PTPRD: variants seen among roughly 807,000 people sequenced by gnomAD.
PTPRD encodes receptor-type tyrosine-protein phosphatase delta.
In PTPRD, 34 loss-of-function variants were observed where a neutral mutation model predicts 214.5. The ratio of observed to expected loss-of-function variants is 0.16; its 90% CI spans 0.12 to 0.21. The LOEUF is 0.21. PTPRD is among the 10% of genes least tolerant of loss of function. The pLI is 1.00. For missense variants in PTPRD, 2,545 were observed against 2,398.7 expected (o/e 1.06, Z -1.27); for synonymous variants, 1,128 against 845.7 (o/e 1.33, Z -5.79).
intron 12 of PTPRD, among the ~76,000 whole-genome samples, chr9:8,654,010 G>C (rs1462257346): frequency 6.6e-6 from 1 of 151,960 alleles, no homozygotes; most frequent in Non-Finnish European, 1.5e-5. Flanking sequence ...TGACATTTTG[G>C]GTCAGACTAT....
At chr9:9,136,557 A>C (rs2099851194) in intron 10 of PTPRD, among the ~76,000 whole-genome samples, 1 of 152,208 alleles carries the variant, frequency 6.6e-6, no homozygotes, top group South Asian at 2.1e-4. Flanking sequence ...TAGCAAGTGA[A>C]ATGATAATAT....
chr9:9,442,697 CT>C (rs1303715968), intron 8 of PTPRD, among the ~76,000 whole-genome samples: 11 of 152,104 alleles, frequency 7.2e-5, no homozygotes, highest in African/African-American at 2.7e-4. Flanking sequence ...CTTTCTGAAG[CT>C]GTAAATCAAA....
intron 35 of PTPRD, among the ~76,000 whole-genome samples, chr9:8,419,752 C>G (rs1263776730): frequency 6.6e-6 from 1 of 151,596 alleles, no homozygotes. Flanking sequence ...TTAGAGAAAC[C>G]CTAAGAAGTT....
At position 8,821,692 on chromosome 9, in the gene PTPRD, G is replaced by T. The variant is rs183180990; in HGVS notation, c.-103-87746C>A. ...AGTTCCTTCAACTTCAGGAAACAGA[G>T]TCTCGCTCTGTTGCCCAGGCTGGAT... On this transcript the variant is annotated intron_variant, in intron 11 of 45. Coordinates refer to ENST00000381196, the MANE Select transcript of PTPRD (RefSeq NM_002839.4). Among the ~76,000 whole-genome samples, 7 of 152,288 alleles carry T rather than the reference G, an allele frequency of 4.6e-5. No individual in the cohort carries two copies. The East Asian group carries it at 1.4e-3, about 29-fold the overall frequency.
At chr9:9,225,760 G>T (rs1048317278) in intron 9 of PTPRD, among the ~76,000 whole-genome samples, 1 of 152,022 alleles carries the variant, frequency 6.6e-6, no homozygotes, top group Non-Finnish European at 1.5e-5. Context: ...AGAGAATTTT[G>T]CCCAATAGAA....
At chr9:9,948,439 T>C (rs2093061176) in intron 4 of PTPRD, among the ~76,000 whole-genome samples, 1 of 152,022 alleles carries the variant, frequency 6.6e-6, no homozygotes, top group South Asian at 2.1e-4. Flanking sequence ...AAAGAATAAG[T>C]CTTACTGAAT....
chr9:9,869,858 T>C (rs2064978595), intron 5 of PTPRD, among the ~76,000 whole-genome samples: 1 of 151,818 alleles, frequency 6.6e-6, no homozygotes, highest in East Asian at 1.9e-4. Context: ...AAACCAACTG[T>C]AAAAATACAG....
At chr9:9,930,455 A>C (rs558870101) in intron 5 of PTPRD, among the ~76,000 whole-genome samples, 71 of 152,316 alleles carry the variant, frequency 4.7e-4, no homozygotes, top group African/African-American at 1.7e-3. Flanking sequence ...TCACATAAAA[A>C]CAATTTCTTG....
chr9:10,497,358 G>A (rs1190495130), intron 2 of PTPRD, among the ~76,000 whole-genome samples: 2 of 151,786 alleles, frequency 1.3e-5, no homozygotes, highest in African/African-American at 4.8e-5. Context: ...ACATATACAT[G>A]TATACTAGAT....
At chr9:8,522,939 G>A (rs1170054037) in intron 19 of PTPRD, among the ~76,000 whole-genome samples, 2 of 152,090 alleles carry the variant, frequency 1.3e-5, no homozygotes, top group African/African-American at 4.8e-5. Context: ...TCTTAAGGTC[G>A]AGATAAACCT....
intron 44 of PTPRD, among the ~76,000 whole-genome samples, chr9:8,324,201 T>G (rs1193512672): frequency 6.6e-6 from 1 of 151,890 alleles, no homozygotes; most frequent in Admixed American, 6.6e-5. Flanking sequence ...ACTGCACCCA[T>G]CAACCCATCA....
rs1022944952 is a variant in PTPRD at position 10,155,278 on chromosome 9, A to AT, written c.-544-121489dup. On this transcript the variant is annotated intron_variant, in intron 3 of 45. Transcript: ENST00000381196. The stretch of plus-strand genomic sequence containing the variant: ...TTATTGGCATATTGGAATGCTGGTG[A>AT]TTTTTTTTTATGTTGGTTTTATATC... Among the ~76,000 whole-genome samples, 10 of 151,300 alleles carry AT rather than the reference A, an allele frequency of 6.6e-5. No homozygotes were observed. In the South Asian group the frequency reaches 8.4e-4, roughly 13 times the overall value.
At chr9:9,335,318 A>T (rs1005973396) in intron 9 of PTPRD, among the ~76,000 whole-genome samples, 7 of 152,092 alleles carry the variant, frequency 4.6e-5, no homozygotes, top group Non-Finnish European at 8.8e-5. Context: ...TTGGTGAAGG[A>T]TAAACTCTGA....
chr9:9,226,452 G>GGATGAT (rs917182090), intron 9 of PTPRD, among the ~76,000 whole-genome samples: 1 of 151,890 alleles, frequency 6.6e-6, no homozygotes, highest in Non-Finnish European at 1.5e-5. Context: ...AAATCAGTCA[G>GGATGAT]GATGATAAAA....
chr9:8,495,920 A>G (rs1017578778), intron 26 of PTPRD, among the ~76,000 whole-genome samples: 1 of 152,140 alleles, frequency 6.6e-6, no homozygotes, highest in South Asian at 2.1e-4. Context: ...TTTCTTCTAT[A>G]TCACTCTAAT....
intron 12 of PTPRD, among the ~76,000 whole-genome samples, chr9:8,684,602 T>C (rs1342557995): frequency 2.6e-5 from 4 of 152,186 alleles, no homozygotes; most frequent in Admixed American, 2.0e-4. Context: ...CACTGAATCC[T>C]ATCATTTACA....
At chr9:9,509,803 T>TA (rs35950370) in intron 8 of PTPRD, among the ~76,000 whole-genome samples, 104,709 of 149,282 alleles carry the variant, frequency 0.7, 37,121 homozygotes, top group South Asian at 0.83. Context: ...CCTTTTTATT[T>TA]AAAAAAAAAA....
chr9:9,354,222 G>A (rs2052711317), intron 9 of PTPRD, among the ~76,000 whole-genome samples: 1 of 151,736 alleles, frequency 6.6e-6, no homozygotes, highest in Admixed American at 6.6e-5. Flanking sequence ...ACCTAATCAT[G>A]ATAATGACTG....
At chr9:9,217,798 C>T (rs1398971059) in intron 9 of PTPRD, among the ~76,000 whole-genome samples, 1 of 152,114 alleles carries the variant, frequency 6.6e-6, no homozygotes, top group Non-Finnish European at 1.5e-5. Context: ...CCAAATTCCT[C>T]TTTGCATTTG....
Sources: gnomAD v4.1 joint callset for allele counts (sites outside exome capture counted in the v4.1 genomes callset) on GRCh38, gnomAD v4.1.1 for gene constraint, MANE v1.5 for transcripts, NCBI Gene and HGNC (gene_info 2026-07-23, HGNC 2026-07-21) for gene names.